The following SCARB2 variants were observed in gnomAD, a reference collection of about 807,000 sequenced individuals.
SCARB2 encodes scavenger receptor class B member 2, also known as lysosome membrane protein 2.
Under a neutral mutation model 58.6 loss-of-function variants are expected in SCARB2, and 29 were observed. That is an observed-to-expected ratio of 0.49 (90% CI 0.37 to 0.67). The LOEUF (loss-of-function observed/expected upper bound fraction) is 0.67. SCARB2 is among the 30% of genes least tolerant of loss of function. SCARB2 has a pLI of 0.00. For synonymous variants in SCARB2, 195 were observed against 210.1 expected, an observed-to-expected ratio of 0.93 and a Z score of 0.62; for missense variants, 488 against 578.5, an observed-to-expected ratio of 0.84 and a Z score of 1.60.
At chr4:76,225,258 A>C (rs1237322767) in intron 1 of SCARB2, among the ~76,000 whole-genome samples, 1 of 152,148 alleles carries the variant, frequency 6.6e-6, no homozygotes, top group Non-Finnish European at 1.5e-5. Flanking sequence ...CACATGTGCA[A>C]GTGTCTTTTT....
chr4:76,203,316 G>T (rs1469764115), intron 1 of SCARB2, among the ~76,000 whole-genome samples: 1 of 152,172 alleles, frequency 6.6e-6, no homozygotes, highest in Non-Finnish European at 1.5e-5. Flanking sequence ...CCTAGATTGG[G>T]ATTATTGGGT....
chr4:76,187,879 T>C (rs1049170640), intron 2 of SCARB2, among the ~76,000 whole-genome samples: 3 of 152,092 alleles, frequency 2.0e-5, no homozygotes, highest in Admixed American at 6.5e-5. Context: ...GCTGTATATA[T>C]TATATATGTT....
upstream of SCARB2, chr4:76,217,650 C>T (rs768429191): frequency 1.7e-5 from 11 of 654,018 alleles, no homozygotes; most frequent in Middle Eastern, 7.2e-4. Context: ...CCTGCAGAAC[C>T]ATGAGCCAAA....
rs1368088150 is a variant in SCARB2, at chr4:76,166,259, G to A, written c.1230C>T (p.Tyr410=). The part of the protein sequence containing the change: ...DIRTMVFPVM[Y]LNESVHIDKE... ...CCGTCTCAGGACTTACCTCATTGAG[G>A]TACATCACTGGGAAAACCATGGTTC... Residue 410 remains tyrosine (Y), a synonymous_variant, in exon 10 of 12, where the codon TAC becomes TAT. Coordinates refer to ENST00000264896, the MANE Select transcript of SCARB2 (RefSeq NM_005506.4). The A allele has an allele frequency of 6.2e-7, 1 of 1,614,088 alleles. No homozygotes were observed. The highest frequency in any genetic ancestry group is 8.5e-7 in the Non-Finnish European group (1 of 1,179,986).
At chr4:76,230,591 A>C (rs1733475350) in intron 1 of SCARB2, among the ~76,000 whole-genome samples, 1 of 152,174 alleles carries the variant, frequency 6.6e-6, no homozygotes, top group African/African-American at 2.4e-5. Context: ...TAAAATTATT[A>C]TAAAGTTCAG....
rs10033372 is a variant in SCARB2, at chr4:76,202,161, G to C, written c.118-6297C>G. Among the ~76,000 whole-genome samples, 799 of 152,348 alleles carry C rather than the reference G, an allele frequency of 5.2e-3. 6 individuals are homozygous for C. The highest frequency in any genetic ancestry group is 0.019 in the African/African-American group (775 of 41,588). On this transcript the variant is annotated intron_variant, in intron 1 of 11. Transcript: ENST00000264896. ...ATTAGAAGAGATGTTTAAAGTAGCA[G>C]ATAACATTACTACAAATGTGCAGAA...
chr4:76,167,030 C>T (rs1046712175), intron 9 of SCARB2, among the ~76,000 whole-genome samples: 4 of 152,136 alleles, frequency 2.6e-5, no homozygotes, highest in African/African-American at 9.7e-5. Context: ...CATAGTTTTG[C>T]ATCCTGTTTA....
At chr4:76,166,386 T>G in intron 9 of SCARB2, 85 bp from the exon 10 acceptor site, 1 of 1,334,992 alleles carries the variant, frequency 7.5e-7, no homozygotes, top group Non-Finnish European at 1.1e-6. Flanking sequence ...TATATGAAGA[T>G]TCTAGTACAC....
chr4:76,210,386 G>A (rs1268478349), intron 1 of SCARB2, among the ~76,000 whole-genome samples: 1 of 152,122 alleles, frequency 6.6e-6, no homozygotes, highest in Non-Finnish European at 1.5e-5. Context: ...ATGATCACAG[G>A]CGAGTGAAGA....
At chr4:76,180,395 A>G (rs904272356) in intron 3 of SCARB2, 51 of 152,202 alleles carry the variant, frequency 3.4e-4, no homozygotes, top group African/African-American at 1.2e-3. Flanking sequence ...TTTAATTTAA[A>G]AAAAAAGAAA....
At chr4:76,217,622 G>C, upstream of SCARB2, 1 of 629,066 alleles carries the variant, frequency 1.6e-6, no homozygotes, top group African/African-American at 1.8e-5. Context: ...AGATGTCTGT[G>C]CCGTGCGTCT....
chr4:76,190,469 AGT>A (rs919426876), intron 2 of SCARB2, among the ~76,000 whole-genome samples: 1 of 151,918 alleles, frequency 6.6e-6, no homozygotes, highest in Non-Finnish European at 1.5e-5. Context: ...CTGGCAAGGC[AGT>A]GTGTCTGGGG....
chr4:76,198,351 A>C (rs1219951834), intron 1 of SCARB2, among the ~76,000 whole-genome samples: 1 of 152,234 alleles, frequency 6.6e-6, no homozygotes, highest in Non-Finnish European at 1.5e-5. Context: ...GCTTTTAGGC[A>C]ACCATAAATC....
chr4:76,190,240 G>A (rs1175180883), intron 2 of SCARB2, among the ~76,000 whole-genome samples: 1 of 151,728 alleles, frequency 6.6e-6, no homozygotes, highest in Non-Finnish European at 1.5e-5. Context: ...GAACTCCTAA[G>A]CTCAAGTGAT....
intron 4 of SCARB2, 31 bp downstream of exon 4, chr4:76,179,486 A>G: frequency 6.5e-7 from 1 of 1,539,284 alleles, no homozygotes; most frequent in African/African-American, 1.4e-5. Flanking sequence ...TCAGCTAAAA[A>G]AAGAGGTTCT....
intron 11 of SCARB2, 81 bp from the exon 12 acceptor site, chr4:76,161,832 G>C (rs768844819): frequency 2.9e-6 from 4 of 1,373,026 alleles, no homozygotes; most frequent in Admixed American, 1.7e-5. Flanking sequence ...GGTGGGGAGT[G>C]GGGGCATGGA....
intron 1 of SCARB2, among the ~76,000 whole-genome samples, chr4:76,222,416 C>A (rs530934389): frequency 6.6e-6 from 1 of 152,050 alleles, no homozygotes; most frequent in African/African-American, 2.4e-5. Context: ...TTAGTACAGA[C>A]GGGGTTTCAC....
At chr4:76,224,633 G>A (rs913716976) in intron 1 of SCARB2, among the ~76,000 whole-genome samples, 1 of 152,098 alleles carries the variant, frequency 6.6e-6, no homozygotes, top group African/African-American at 2.4e-5. Context: ...CATGATTTTG[G>A]TTCACTGCAA....
intron 4 of SCARB2, among the ~76,000 whole-genome samples, chr4:76,178,335 T>G (rs1038229339): frequency 2.6e-5 from 4 of 152,216 alleles, no homozygotes; most frequent in African/African-American, 9.6e-5. Flanking sequence ...CTAAAATTTT[T>G]GCATGAATCA....
Sources: gnomAD v4.1 joint callset for allele counts (sites outside exome capture counted in the v4.1 genomes callset) on GRCh38, gnomAD v4.1.1 for gene constraint, MANE v1.5 for transcripts, NCBI Gene and HGNC (gene_info 2026-07-23, HGNC 2026-07-21) for gene names.